Variants in SASH1 observed in about 807,000 individuals in gnomAD.
SASH1 encodes the protein SAM and SH3 domain containing 1, also known as SAM and SH3 domain-containing protein 1.
Under a neutral mutation model 125.2 loss-of-function variants are expected in SASH1, and 44 were observed. That is an observed-to-expected ratio of 0.35 (90% CI 0.28 to 0.45). The LOEUF is 0.45. SASH1 is among the 20% of genes least tolerant of loss of function. The pLI is 1.00. For missense variants in SASH1, 1,426 were observed against 1,614.5 expected (o/e 0.88, Z 2.00); for synonymous variants, 639 against 649.1 (o/e 0.98, Z 0.24).
At chr6:148,238,104 T>G in the SASH1 span, among the ~76,000 whole-genome samples, 1 of 152,230 alleles carries the variant, frequency 6.6e-6, no homozygotes, top group Non-Finnish European at 1.5e-5. Context: ...AAGTTTTTAC[T>G]CAAATGTAAC....
chr6:148,360,644 GC>G lies in SASH1; in HGVS notation c.156+17423del, dbSNP rs948720689. The stretch of plus-strand genomic sequence containing the variant: ...GATTACAGGCGTGAGCCACCCCCCC[GC>G]CAGGCTTTAAAGCCTTTTTAACAAA... On this transcript the variant is annotated intron_variant, in intron 1 of 19. Transcript: ENST00000367467. Among the ~76,000 whole-genome samples, 74 of 105,232 alleles carry G rather than the reference GC, an allele frequency of 7.0e-4. 1 individual carries two copies. Among genetic ancestry groups the G allele is most frequent in the African/African-American group, 3.0e-3 (69 of 23,358 alleles). The allele number at this position is 105,232 out of a possible 152,430, so 69.0% of individuals were successfully genotyped here. A position where few individuals can be genotyped will look rare whatever the true frequency, so the allele number is the denominator to read the frequency against.
rs1054029945 is a variant in SASH1 at position 148,514,235 on chromosome 6, A to G, written c.730-89A>G. On this transcript the variant is annotated intron_variant, in intron 8 of 19. Coordinates refer to ENST00000367467, the MANE Select transcript of SASH1 (RefSeq NM_015278.5). ...TTCAGCAACAGAGCTGCCGAGGTTCAGACTGGCAGCAAGGCCGGCTACATC... is the reference window on the plus strand; with the variant it reads ...TTCAGCAACAGAGCTGCCGAGGTTCGGACTGGCAGCAAGGCCGGCTACATC... 17 of 1,522,100 alleles carry G rather than the reference A, an allele frequency of 1.1e-5. No individual in the cohort carries two copies. In the African/African-American group the frequency reaches 2.1e-4, roughly 19 times the overall value. The allele number at this position is 1,522,100 out of a possible 1,614,324, so 94.3% of individuals were successfully genotyped here.
At chr6:148,476,467 A>G (rs1778351081) in intron 7 of SASH1, among the ~76,000 whole-genome samples, 1 of 152,130 alleles carries the variant, frequency 6.6e-6, no homozygotes, top group Admixed American at 6.6e-5. Context: ...AGATCACTTG[A>G]GATCAGGAGT....
At chr6:148,410,757 G>T (rs113842288) in intron 2 of SASH1, among the ~76,000 whole-genome samples, 1 of 152,198 alleles carries the variant, frequency 6.6e-6, no homozygotes, top group Non-Finnish European at 1.5e-5. Context: ...TGAGTGTTCA[G>T]TGTAAGGTGG....
At chr6:148,509,529 C>T (rs1200629607) in intron 8 of SASH1, among the ~76,000 whole-genome samples, 2 of 152,036 alleles carry the variant, frequency 1.3e-5, no homozygotes, top group Non-Finnish European at 2.9e-5. Flanking sequence ...CTGTGATCAG[C>T]GTGGTGGTCT....
intron 4 of SASH1, among the ~76,000 whole-genome samples, chr6:148,463,087 T>A (rs1777688254): frequency 6.6e-6 from 1 of 152,124 alleles, no homozygotes; most frequent in Non-Finnish European, 1.5e-5. Context: ...GTAGACTCAC[T>A]GGAAAAGAAA....
At chr6:148,525,705 G>A (rs183304739) in intron 11 of SASH1, among the ~76,000 whole-genome samples, 3 of 151,168 alleles carry the variant, frequency 2.0e-5, no homozygotes, top group Admixed American at 2.0e-4. Context: ...TTGCAAGCAT[G>A]TAACTACTAC....
At chr6:148,370,381 T>A (rs1396673917) in intron 1 of SASH1, among the ~76,000 whole-genome samples, 2 of 152,226 alleles carry the variant, frequency 1.3e-5, no homozygotes, top group African/African-American at 4.8e-5. Flanking sequence ...GGTCCCAGCA[T>A]CTAGTCCTTG....
chr6:148,349,248 CTTTCTTTTTTTTTT>C (rs1395366535), intron 1 of SASH1, among the ~76,000 whole-genome samples: 3 of 66,246 alleles, frequency 4.5e-5, no homozygotes, highest in East Asian at 4.7e-4. Context: ...TTTCTTCTTT[CTTTCTTTTTTTTTT>C]TTTTTTTTTT....
At position 148,398,074 on chromosome 6, in the gene SASH1, G is replaced by A. The variant is rs181747390; in HGVS notation, c.285+7812G>A. ...CCGTGGGGAGTAACTTCAGGGAGAC[G>A]TCACAGTTTCATCCAAGGCCAAAAA... On this transcript the variant is annotated intron_variant, in intron 2 of 19. Transcript: ENST00000367467. 8.5e-5 allele frequency among the ~76,000 whole-genome samples: 13 copies of A among 152,246 alleles called. 1 individual carries two copies. The highest frequency in any genetic ancestry group is 3.9e-4 in the Admixed American group (6 of 15,292).
intron 2 of SASH1, among the ~76,000 whole-genome samples, chr6:148,436,717 T>C (rs1776304273): frequency 6.6e-6 from 1 of 152,108 alleles, no homozygotes; most frequent in Non-Finnish European, 1.5e-5. Flanking sequence ...CATCCCCAGC[T>C]TTTGCATGTT....
chr6:148,543,709 G>A lies in SASH1; in HGVS notation c.2239G>A (p.Ala747Thr). Reference sequence around the variant, plus strand: ...GACTCGGAAAGCTAGCCTCCTATCTGCCAAGTCATCCACCGAGCCCAGCTT... The same window carrying A: ...GACTCGGAAAGCTAGCCTCCTATCTACCAAGTCATCCACCGAGCCCAGCTT... ...GKTRKASLLS[A>T]KSSTEPSLKS... The change falls in exon 18 of 20, where the codon GCC becomes ACC. Residue 747 changes from alanine to threonine, a missense_variant. Physicochemically the swap from Ala to Thr is moderately conservative, Grantham distance 58. Transcript: ENST00000367467. 1 of 1,556,650 alleles carries A rather than the reference G, an allele frequency of 6.4e-7. No homozygotes were observed. The highest frequency in any genetic ancestry group is 8.7e-7 in the Non-Finnish European group (1 of 1,150,204).
intron 1 of SASH1, among the ~76,000 whole-genome samples, chr6:148,325,201 G>T (rs74607476): frequency 0.015 from 2,326 of 152,200 alleles, 68 homozygotes; most frequent in African/African-American, 0.051. Flanking sequence ...AAGGAAACAC[G>T]TCGTTGTTCA....
intron 1 of SASH1, among the ~76,000 whole-genome samples, chr6:148,294,778 C>G (rs1040564953): frequency 2.0e-5 from 3 of 152,048 alleles, no homozygotes; most frequent in Admixed American, 6.6e-5. Context: ...TTTTGAGTTG[C>G]CCTTATATCT....
At chr6:148,274,160 T>C (rs1725815763) in intron 1 of SASH1, among the ~76,000 whole-genome samples, 2 of 152,172 alleles carry the variant, frequency 1.3e-5, no homozygotes, top group Admixed American at 1.3e-4. Flanking sequence ...GTAACAGTCA[T>C]GCCCTAGAGG....
At chr6:148,368,354 T>C (rs1782560031) in intron 1 of SASH1, among the ~76,000 whole-genome samples, 1 of 152,212 alleles carries the variant, frequency 6.6e-6, no homozygotes, top group Admixed American at 6.5e-5. Context: ...CACTGTAACC[T>C]CTGCCTCCCA....
At chr6:148,418,739 C>A (rs1476821357) in intron 2 of SASH1, among the ~76,000 whole-genome samples, 1 of 152,180 alleles carries the variant, frequency 6.6e-6, no homozygotes. Context: ...GTACAGATAG[C>A]GTGGTGCAGT....
chr6:148,216,585 G>A, the SASH1 span, among the ~76,000 whole-genome samples: 13 of 152,284 alleles, frequency 8.5e-5, no homozygotes, highest in African/African-American at 3.1e-4. Context: ...GGCATCTGGG[G>A]ACATTTGTGT....
At chr6:148,227,342 C>T in the SASH1 span, among the ~76,000 whole-genome samples, 1 of 152,066 alleles carries the variant, frequency 6.6e-6, no homozygotes, top group Non-Finnish European at 1.5e-5. Flanking sequence ...GGTAGGCACT[C>T]AGGAATTTGT....
Sources: gnomAD v4.1 joint callset for allele counts (sites outside exome capture counted in the v4.1 genomes callset) on GRCh38, gnomAD v4.1.1 for gene constraint, MANE v1.5 for transcripts, NCBI Gene and HGNC (gene_info 2026-07-23, HGNC 2026-07-21) for gene names.